The following ST18 variants were observed in gnomAD, a reference collection of about 807,000 sequenced individuals.
The protein encoded by ST18 is ST18 C2H2C-type zinc finger transcription factor.
ST18 carries 50 observed loss-of-function variants against 110.0 expected under a neutral mutation model. The observed-to-expected ratio is 0.45, with a 90% CI of 0.36 to 0.58. ST18 has a LOEUF of 0.58. ST18 is among the 20% of genes least tolerant of loss of function. The probability of loss-of-function intolerance (pLI) is 0.00; values close to 1 mark genes in which losing one functional copy is unlikely to be tolerated. For synonymous variants in ST18, 461 were observed against 452.4 expected, an observed-to-expected ratio of 1.02 and a Z score of -0.24; for missense variants, 1,306 against 1,280.1, an observed-to-expected ratio of 1.02 and a Z score of -0.31.
intron 25 of ST18, among the ~76,000 whole-genome samples, chr8:52,113,954 G>GTTGTTTTTTTT (rs2041426315): frequency 2.2e-5 from 1 of 45,422 alleles, no homozygotes; most frequent in Non-Finnish European, 3.8e-5. Context: ...TTCATACCGT[G>GTTGTTTTTTTT]TTTTTTTTTT....
intron 2 of ST18, among the ~76,000 whole-genome samples, chr8:52,278,784 A>G (rs1202724719): frequency 6.6e-6 from 1 of 152,194 alleles, no homozygotes; most frequent in East Asian, 1.9e-4. Flanking sequence ...AACAATAATA[A>G]TAACTTGTAA....
chr8:52,117,474 G>T (rs772395459), intron 24 of ST18, among the ~76,000 whole-genome samples: 1 of 152,186 alleles, frequency 6.6e-6, no homozygotes, highest in African/African-American at 2.4e-5. Flanking sequence ...TCTCAGGAGG[G>T]CAGAGGGCTT....
intron 2 of ST18, among the ~76,000 whole-genome samples, chr8:52,336,152 T>A (rs778855281): frequency 1.3e-5 from 2 of 152,026 alleles, no homozygotes; most frequent in African/African-American, 4.8e-5. Flanking sequence ...ATTATTATTA[T>A]TAATTATTAT....
intron 9 of ST18, among the ~76,000 whole-genome samples, chr8:52,174,108 T>A (rs1488352804): frequency 6.6e-6 from 1 of 152,182 alleles, no homozygotes; most frequent in African/African-American, 2.4e-5. Flanking sequence ...TAGGGTGCAG[T>A]CTTTTGTTGG....
intron 8 of ST18, among the ~76,000 whole-genome samples, chr8:52,203,187 G>C (rs538689819): frequency 1.3e-5 from 2 of 152,138 alleles, no homozygotes; most frequent in African/African-American, 4.8e-5. Context: ...TGACATGGAG[G>C]GGGTAGGGGG....
chr8:52,395,436 G>C (rs949136644), intron 2 of ST18, among the ~76,000 whole-genome samples: 1 of 152,198 alleles, frequency 6.6e-6, no homozygotes, highest in Non-Finnish European at 1.5e-5. Context: ...TGAGAAGTTA[G>C]CATTTCCGTC....
At chr8:52,350,883 G>T (rs1470382299) in intron 2 of ST18, among the ~76,000 whole-genome samples, 1 of 152,012 alleles carries the variant, frequency 6.6e-6, no homozygotes, top group Admixed American at 6.6e-5. Context: ...ACCACGCCCA[G>T]CTAATTTTTT....
At chr8:52,209,634 G>A (rs2081368208) in intron 8 of ST18, among the ~76,000 whole-genome samples, 1 of 151,672 alleles carries the variant, frequency 6.6e-6, no homozygotes, top group Non-Finnish European at 1.5e-5. Context: ...GCCCGGCATG[G>A]TGGCTCATGC....
chr8:52,121,437 CT>C (rs1306333613), intron 23 of ST18, among the ~76,000 whole-genome samples: 1 of 152,174 alleles, frequency 6.6e-6, no homozygotes, highest in African/African-American at 2.4e-5. Flanking sequence ...GTAATGTTTC[CT>C]GTTAACATAT....
intron 2 of ST18, among the ~76,000 whole-genome samples, chr8:52,297,563 A>T (rs1331876439): frequency 6.6e-6 from 1 of 152,222 alleles, no homozygotes; most frequent in African/African-American, 2.4e-5. Context: ...AGGTAAAATC[A>T]ATGGAAGAAA....
intron 2 of ST18, among the ~76,000 whole-genome samples, chr8:52,306,183 G>A (rs2095809919): frequency 6.6e-6 from 1 of 152,164 alleles, no homozygotes; most frequent in African/African-American, 2.4e-5. Context: ...TTACTCAAAT[G>A]TCATATTTTC....
chr8:52,357,787 C>T (rs1306968403), intron 2 of ST18, among the ~76,000 whole-genome samples: 2 of 140,248 alleles, frequency 1.4e-5, no homozygotes, highest in Non-Finnish European at 3.1e-5. Flanking sequence ...TTTTAATTCC[C>T]CACTTATGTT....
intron 2 of ST18, among the ~76,000 whole-genome samples, chr8:52,266,668 A>G (rs923941804): frequency 4.6e-5 from 7 of 151,614 alleles, no homozygotes; most frequent in African/African-American, 1.5e-4. Context: ...CAGCCTCCAG[A>G]GTAACTGGGA....
chr8:52,307,633 G>C (rs1412153692), intron 2 of ST18, among the ~76,000 whole-genome samples: 1 of 152,106 alleles, frequency 6.6e-6, no homozygotes, highest in African/African-American at 2.4e-5. Flanking sequence ...TCTTATCTTA[G>C]CAACCAAATA....
chr8:52,299,343 A>G (rs1165026304), intron 2 of ST18, among the ~76,000 whole-genome samples: 1 of 151,972 alleles, frequency 6.6e-6, no homozygotes, highest in East Asian at 1.9e-4. Context: ...AATTTTGTCT[A>G]GTTTGTTCTC....
intron 2 of ST18, among the ~76,000 whole-genome samples, chr8:52,233,176 AT>A (rs1203828704): frequency 6.6e-6 from 1 of 152,250 alleles, no homozygotes; most frequent in Admixed American, 6.5e-5. Context: ...TAATTCATTA[AT>A]TTATGTACTC....
intron 8 of ST18, among the ~76,000 whole-genome samples, chr8:52,202,754 G>A (rs1257903954): frequency 1.3e-5 from 2 of 152,170 alleles, no homozygotes; most frequent in African/African-American, 4.8e-5. Context: ...GAGTTGAGAT[G>A]GAAAGAATGT....
intron 2 of ST18, among the ~76,000 whole-genome samples, chr8:52,318,528 C>T (rs1257849940): frequency 6.6e-6 from 1 of 152,172 alleles, no homozygotes; most frequent in Non-Finnish European, 1.5e-5. Context: ...CCATTCAACC[C>T]AGCAATCCCA....
At position 52,242,658 on chromosome 8, in the gene ST18, C is replaced by T. The variant is rs533419918; in HGVS notation, c.-464-12581G>A. On this transcript the variant is annotated intron_variant, in intron 2 of 25. Transcript: ENST00000689386. ...GTTCAAGACCAGCCTGCCTGGCCAA[C>T]ATGGCGAAAACCCATGGTTTAGTAG... is the stretch of plus-strand genomic sequence containing the variant. Among the ~76,000 whole-genome samples, 7 of 152,248 alleles carry T rather than the reference C, an allele frequency of 4.6e-5. No homozygotes were observed. The East Asian group carries it at 1.4e-3, about 29-fold the overall frequency.
Sources: allele counts gnomAD v4.1 joint callset (sites outside exome capture counted in the v4.1 genomes callset), GRCh38; gene constraint gnomAD v4.1.1; transcripts MANE v1.5; gene names NCBI Gene and HGNC (gene_info 2026-07-23, HGNC 2026-07-21).